Variants in ZNF383 observed in about 807,000 individuals in gnomAD.
ZNF383 encodes the protein zinc finger protein 383.
ZNF383 carries 32 observed loss-of-function variants against 44.2 expected under a neutral mutation model. The observed-to-expected ratio is 0.72, with a 90% CI of 0.55 to 0.97. The LOEUF (loss-of-function observed/expected upper bound fraction) is 0.97, where lower values mean the gene tolerates loss of function less well. Ranked by LOEUF, ZNF383 falls within the 50% of genes least tolerant of loss-of-function variation. The pLI, the probability that ZNF383 is intolerant of heterozygous loss-of-function variation, is 0.00. For missense variants in ZNF383, 487 were observed against 562.5 expected (o/e 0.87, Z 1.36); for synonymous variants, 155 against 186.2 (o/e 0.83, Z 1.36).
Position 37,242,460 on chromosome 19 carries a change from T to G in ZNF383, c.233-9T>G, listed in dbSNP as rs1385477826. ...AAAAAAGAACATTTACCATTTTATT[T>G]TCTTTCAGATCTGGAATCGATGTGT... is the stretch of plus-strand genomic sequence containing the variant. On this transcript the variant is annotated splice_polypyrimidine_tract_variant and intron_variant, in intron 5 of 5. Transcript: ENST00000684119. 6.6e-7 allele frequency: 1 copy of G among 1,512,432 alleles called. No homozygotes were observed. Among genetic ancestry groups the G allele is most frequent in the African/African-American group, 1.4e-5 (1 of 71,224 alleles). 93.7% of individuals were successfully genotyped at this position (1,512,432 alleles called of 1,614,324 possible).
intron 3 of ZNF383, among the ~76,000 whole-genome samples, chr19:37,234,845 C>T (rs1973702109): frequency 6.6e-6 from 1 of 152,190 alleles, no homozygotes; most frequent in Admixed American, 6.5e-5. Context: ...TTTTTGGTTG[C>T]TTTCTTGCTT....
rs1291435995 is a variant in ZNF383, at chr19:37,236,552, T to G, written c.232+478T>G. Among the ~76,000 whole-genome samples the G allele has an allele frequency of 7.9e-5, 12 of 151,632 alleles. No homozygotes were observed. In the East Asian group the frequency reaches 2.4e-3, roughly 30 times the overall value. ...GTAGGCCTGTGCCACCATGCCTGGCTAATTCTTTTTCTTCTTCTGCATTTT... is the reference window on the plus strand; with the variant it reads ...GTAGGCCTGTGCCACCATGCCTGGCGAATTCTTTTTCTTCTTCTGCATTTT... On this transcript the variant is annotated intron_variant, in intron 5 of 5. Transcript: ENST00000684119.
At chr19:37,232,820 A>G (rs1973563901) in intron 3 of ZNF383, among the ~76,000 whole-genome samples, 1 of 152,240 alleles carries the variant, frequency 6.6e-6, no homozygotes. Context: ...TAATGTTTTA[A>G]AATAGTGTTG....
At chr19:37,242,309 C>T (rs1417358986) in intron 5 of ZNF383, among the ~76,000 whole-genome samples, 160 bp from the exon 6 acceptor site, 2 of 151,850 alleles carry the variant, frequency 1.3e-5, no homozygotes, top group African/African-American at 4.8e-5. Context: ...ATTTCTTTGT[C>T]TTTCTTGTCC....
chr19:37,246,789 TTACAAAA>T lies in ZNF383; in HGVS notation c.*3128_*3134del, dbSNP rs1974388414. ...CTGGGTGACAGAGCGAGACTCTGTC[TTACAAAA>T]TAAAAAATAAACGGTTACCAATCTG... On this transcript the variant is annotated 3_prime_UTR_variant, in exon 6 of 6. Transcript: ENST00000684119. The T allele has an allele frequency of 6.6e-6, 1 of 151,994 alleles. No individual in the cohort carries two copies. The highest frequency in any genetic ancestry group is 2.4e-5 in the African/African-American group (1 of 41,368). The allele number at this position is 151,994 out of a possible 1,614,324, so 9.4% of individuals were successfully genotyped here. A position where few individuals can be genotyped will look rare whatever the true frequency, so the allele number is the denominator to read the frequency against.
chr19:37,222,372 A>C (rs1293836312), intron 1 of ZNF383, among the ~76,000 whole-genome samples: 1 of 152,022 alleles, frequency 6.6e-6, no homozygotes, highest in East Asian at 1.9e-4. Context: ...CTGTTGTATG[A>C]ATATAACACT....
chr19:37,228,936 C>G (rs1236281587), intron 2 of ZNF383, among the ~76,000 whole-genome samples: 1 of 151,960 alleles, frequency 6.6e-6, no homozygotes, highest in Non-Finnish European at 1.5e-5. Flanking sequence ...TTATTATGGA[C>G]TTAGAGCATT....
chr19:37,221,747 G>A (rs1357572540), intron 1 of ZNF383, among the ~76,000 whole-genome samples: 3 of 147,846 alleles, frequency 2.0e-5, no homozygotes, highest in Non-Finnish European at 4.5e-5. Context: ...AGGAGATCAA[G>A]ACCATCTGGC....
At chr19:37,225,957 C>CT (rs35639012) in intron 2 of ZNF383, among the ~76,000 whole-genome samples, 48,901 of 138,002 alleles carry the variant, frequency 0.35, 8,659 homozygotes, top group African/African-American at 0.43. Flanking sequence ...GTCTAACTAA[C>CT]TTTTTTTTTT....
intron 3 of ZNF383, among the ~76,000 whole-genome samples, chr19:37,234,010 A>G (rs898463179): frequency 2.0e-5 from 3 of 151,990 alleles, no homozygotes; most frequent in Admixed American, 2.0e-4. Context: ...GATTACAGGC[A>G]TGTGTCACCA....
At chr19:37,219,155 T>C (rs1972804125) in intron 1 of ZNF383, 1 of 152,780 alleles carries the variant, frequency 6.5e-6, no homozygotes, top group Non-Finnish European at 1.5e-5. Context: ...ACTGTCTTTG[T>C]GACTCCAGCT....
intron 2 of ZNF383, among the ~76,000 whole-genome samples, chr19:37,225,760 A>AC (rs1051657636): frequency 2.0e-5 from 3 of 150,946 alleles, no homozygotes; most frequent in African/African-American, 7.3e-5. Flanking sequence ...AATTAGTTTG[A>AC]CATGTTACTT....
Position 37,243,129 on chromosome 19 carries a change from T to C in ZNF383, c.893T>C (p.Phe298Ser), listed in dbSNP as rs1357842560. Reference protein sequence around the residue: ...GKAFTKSSQLFQHARIHTGEK... With the variant: ...GKAFTKSSQLSQHARIHTGEK... Reference sequence around the variant, plus strand: ...GCCTTTACTAAGAGCTCACAACTTTTTCAGCATGCACGAATTCATACAGGT... The same window carrying C: ...GCCTTTACTAAGAGCTCACAACTTTCTCAGCATGCACGAATTCATACAGGT... The change falls in exon 6 of 6, where the codon TTT becomes TCT. Residue 298 changes from phenylalanine (F) to serine (S), a missense_variant. Transcript: ENST00000684119. The C allele has an allele frequency of 3.1e-6, 5 of 1,613,936 alleles. No individual in the cohort carries two copies. The highest frequency in any genetic ancestry group is 1.3e-5 in the African/African-American group (1 of 74,908).
intron 3 of ZNF383, among the ~76,000 whole-genome samples, chr19:37,232,769 A>C (rs1409464884): frequency 2.6e-5 from 4 of 152,228 alleles, no homozygotes; most frequent in South Asian, 2.1e-4. Context: ...CAGTTTTCCA[A>C]ATAATGAGTT....
At position 37,246,514 on chromosome 19, in the gene ZNF383, T is replaced by TA. The variant is rs1429044892; in HGVS notation, c.*2852dup. 1.3e-5 allele frequency: 2 copies of TA among 152,256 alleles called. No homozygotes were observed. The highest frequency in any genetic ancestry group is 3.9e-4 in the East Asian group (2 of 5,180). The allele number at this position is 152,256 out of a possible 1,614,324, so 9.4% of individuals were successfully genotyped here. A position where few individuals can be genotyped will look rare whatever the true frequency, so the allele number is the denominator to read the frequency against. On this transcript the variant is annotated 3_prime_UTR_variant, in exon 6 of 6. Transcript: ENST00000684119. The stretch of plus-strand genomic sequence containing the variant: ...GGCTGGGCGCGGTGGCTCACACCTG[T>TA]AATCCTAGCACTTTGGGAGGCCAAG...
chr19:37,233,440 T>TC (rs1280389576), intron 3 of ZNF383, among the ~76,000 whole-genome samples: 1 of 151,034 alleles, frequency 6.6e-6, no homozygotes, highest in Non-Finnish European at 1.5e-5. Context: ...TGTTTTTATT[T>TC]TTTTTTTGGG....
At chr19:37,220,335 C>T (rs556681676) in intron 1 of ZNF383, among the ~76,000 whole-genome samples, 1 of 152,264 alleles carries the variant, frequency 6.6e-6, no homozygotes, top group South Asian at 2.1e-4. Flanking sequence ...TAGATCTCAG[C>T]TCACTGCAAC....
rs142159570 is a variant in ZNF383, at chr19:37,236,010, C to T, written c.168C>T (p.Ser56=). The T allele has an allele frequency of 2.3e-3, 3,671 of 1,613,690 alleles. 6 individuals are homozygous for T. Among genetic ancestry groups the T allele is most frequent in the Non-Finnish European group, 2.9e-3 (3,435 of 1,179,834 alleles). The change falls in exon 5 of 6, where the codon TCC becomes TCT. Residue 56 remains serine, a synonymous_variant. Coordinates refer to ENST00000684119, the MANE Select transcript of ZNF383 (RefSeq NM_001387601.1). ...ACACTCCTAAGCCTCAAGTGATCTC[C>T]TTATTGGAACAAGGGAAAGAGCCCT... ...GLYTPKPQVI[S]LLEQGKEPWM...
intron 5 of ZNF383, among the ~76,000 whole-genome samples, chr19:37,241,054 G>T (rs1290405385): frequency 1.3e-5 from 2 of 152,162 alleles, no homozygotes; most frequent in African/African-American, 2.4e-5. Flanking sequence ...TGATCTGCCC[G>T]CCTCGTCCTC....
Sources: gnomAD v4.1 joint callset for allele counts (sites outside exome capture counted in the v4.1 genomes callset) on GRCh38, gnomAD v4.1.1 for gene constraint, MANE v1.5 for transcripts, NCBI Gene and HGNC (gene_info 2026-07-23, HGNC 2026-07-21) for gene names.